The following ZC3H7B variants were observed in gnomAD, a reference collection of about 807,000 sequenced individuals.
ZC3H7B encodes zinc finger CCCH-type containing 7B, also known as zinc finger CCCH domain-containing protein 7B.
ZC3H7B carries 35 observed loss-of-function variants against 116.0 expected under a neutral mutation model. The ratio of observed to expected loss-of-function variants is 0.30; its 90% confidence interval spans 0.23 to 0.40. The LOEUF is 0.40. Among genes scored for constraint, ZC3H7B ranks in the 10% least tolerant of loss-of-function variants. The probability of loss-of-function intolerance (pLI) is 1.00; values close to 1 mark genes in which losing one functional copy is unlikely to be tolerated. For missense variants in ZC3H7B, 1,011 were observed against 1,321.5 expected (o/e 0.77, Z 3.64); for synonymous variants, 502 against 545.6 (o/e 0.92, Z 1.11).
intron 13 of ZC3H7B, 135 bp downstream of exon 13, chr22:41,343,711 C>T: frequency 7.9e-7 from 1 of 1,268,032 alleles, no homozygotes; most frequent in Non-Finnish European, 1.0e-6. Context: ...AAAGCCACGG[C>T]CTAGGCTCCT....
Position 41,357,663 on chromosome 22 carries a change from C to A in ZC3H7B, c.*234C>A. On this transcript the variant is annotated 3_prime_UTR_variant, in exon 23 of 23. Coordinates refer to ENST00000352645, the MANE Select transcript of ZC3H7B (RefSeq NM_017590.6). This position sits in a 1 kb window ranked among gnomAD's most constrained non-coding sequence, Gnocchi z 5.4. ...TGAAACCTGGGCTGCCCTTCCCCCA[C>A]CCCCACGGCTCTCCTGGTTGAGGAG... The A allele has an allele frequency of 1.7e-6, 1 of 595,962 alleles. No individual in the cohort carries two copies. Among genetic ancestry groups the A allele is most frequent in the Non-Finnish European group, 2.9e-6 (1 of 343,124 alleles). 36.9% of individuals were successfully genotyped at this position (595,962 alleles called of 1,614,324 possible). A position where few individuals can be genotyped will look rare whatever the true frequency, so the allele number is the denominator to read the frequency against.
At chr22:41,344,485 T>G (rs1569241141) in intron 13 of ZC3H7B, among the ~76,000 whole-genome samples, 1 of 152,180 alleles carries the variant, frequency 6.6e-6, no homozygotes, top group Non-Finnish European at 1.5e-5. Context: ...CCTCCCTGAT[T>G]CCGTCACACA....
rs1024001380 is a variant in ZC3H7B, at chr22:41,338,172, G to A, written c.583-141G>A. ...CATAAGCCACCACGCCTGGCCGCAT[G>A]TGAGGGCTTTAATCTCCCCTGGCAC... is the stretch of plus-strand genomic sequence containing the variant. On this transcript the variant is annotated intron_variant, in intron 7 of 22. Coordinates refer to ENST00000352645, the MANE Select transcript of ZC3H7B (RefSeq NM_017590.6). The surrounding 1 kb of genome is among the most constrained non-coding windows in gnomAD (Gnocchi z 4.5). 28 of 847,184 alleles carry A rather than the reference G, an allele frequency of 3.3e-5. No homozygotes were observed. The highest frequency in any genetic ancestry group is 4.2e-5 in the Non-Finnish European group (23 of 550,232). 52.5% of individuals were successfully genotyped at this position (847,184 alleles called of 1,614,324 possible).
rs1050511637 is a variant in ZC3H7B, at chr22:41,301,548, T to A, written c.-231T>A. 2.6e-5 allele frequency: 4 copies of A among 152,214 alleles called. No homozygotes were observed. Among genetic ancestry groups the A allele is most frequent in the African/African-American group, 9.6e-5 (4 of 41,506 alleles). The allele number at this position is 152,214 out of a possible 1,614,324, so 9.4% of individuals were successfully genotyped here. On this transcript the variant is annotated 5_prime_UTR_variant, in exon 1 of 23. Transcript: ENST00000352645. ...GGGAGACAGTGCCTCCAGCGGGTGC[T>A]GCCGCGAGCGGCCAGCCGAGGGGCT... is the stretch of plus-strand genomic sequence containing the variant.
chr22:41,340,128 T>C lies in ZC3H7B; in HGVS notation c.1129T>C (p.Ser377Pro). The C allele has an allele frequency of 6.2e-7, 1 of 1,603,886 alleles. No individual in the cohort carries two copies. The highest frequency in any genetic ancestry group is 8.5e-7 in the Non-Finnish European group (1 of 1,174,744). ...STRGSLDKPD[S>P]FMEETNSQDH... is the part of the protein sequence containing the mutation. Reference sequence around the variant, plus strand: ...ACGAGGCTCCCTGGACAAACCTGACTCCTTCATGGGTAAGGCCATGGGTGG... The same window carrying C: ...ACGAGGCTCCCTGGACAAACCTGACCCCTTCATGGGTAAGGCCATGGGTGG... The change falls in exon 10 of 23, where the codon TCC (serine) becomes CCC (proline). Residue 377 changes from serine to proline, a missense_variant. Physicochemically the swap from Ser to Pro is moderately conservative, Grantham distance 74. Transcript: ENST00000352645.
At chr22:41,303,339 T>C (rs2035998566) in intron 1 of ZC3H7B, among the ~76,000 whole-genome samples, 1 of 152,236 alleles carries the variant, frequency 6.6e-6, no homozygotes. Context: ...CTGTGTGTTC[T>C]TAGCTGCTGG....
At chr22:41,304,380 T>A (rs1427906976) in intron 1 of ZC3H7B, among the ~76,000 whole-genome samples, 1 of 151,840 alleles carries the variant, frequency 6.6e-6, no homozygotes, top group Admixed American at 6.6e-5. Context: ...GCTCAACATA[T>A]CTACCCACCT....
chr22:41,319,804 G>A lies in ZC3H7B; in HGVS notation c.-6-851G>A, dbSNP rs191810633. On this transcript the variant is annotated intron_variant, in intron 1 of 22. Transcript: ENST00000352645. ...AGCACTCTGGGGGGCCAAAGCAGGC[G>A]GATCACCTGAGGTCAGGAGTTTGAA... Among the ~76,000 whole-genome samples the A allele has an allele frequency of 8.2e-4, 125 of 152,116 alleles. 1 individual carries two copies. The highest frequency in any genetic ancestry group is 3.4e-4 in the Non-Finnish European group (23 of 68,020).
In ZC3H7B at chr22:41,338,176, G is replaced by A; in HGVS notation, c.583-137G>A. ...AGCCACCACGCCTGGCCGCATGTGA[G>A]GGCTTTAATCTCCCCTGGCACTCTA... is the stretch of plus-strand genomic sequence containing the variant. On this transcript the variant is annotated intron_variant, in intron 7 of 22. Transcript: ENST00000352645. This position sits in a 1 kb window ranked among gnomAD's most constrained non-coding sequence, Gnocchi z 4.5. 1.1e-6 allele frequency: 1 copy of A among 870,190 alleles called. No homozygotes were observed. The highest frequency in any genetic ancestry group is 1.7e-5 in the South Asian group (1 of 58,772). 53.9% of individuals were successfully genotyped at this position (870,190 alleles called of 1,614,324 possible). A position where few individuals can be genotyped will look rare whatever the true frequency, so the allele number is the denominator to read the frequency against.
chr22:41,355,974 C>T lies in ZC3H7B; in HGVS notation c.2295C>T (p.Asn765=), dbSNP rs369941386. 4.6e-5 allele frequency: 72 copies of T among 1,568,136 alleles called. No individual in the cohort carries two copies. The highest frequency in any genetic ancestry group is 5.9e-5 in the Non-Finnish European group (68 of 1,157,742). ...QQYDLCIHAQ[N]GRKCQYVGNC... is the part of the protein sequence containing the mutation. ...CACAGCTCTGCATCCATGCACAGAA[C>T]GGCCGCAAGTGCCAATATGTGGGGA... Residue 765 remains asparagine, a synonymous_variant, in exon 20 of 23, where the codon AAC becomes AAT. Transcript: ENST00000352645.
chr22:41,357,108 G>A lies in ZC3H7B; in HGVS notation c.2682-69G>A, dbSNP rs1407510225. On this transcript the variant is annotated intron_variant, in intron 22 of 22. Coordinates refer to ENST00000352645, the MANE Select transcript of ZC3H7B (RefSeq NM_017590.6). This position sits in a 1 kb window ranked among gnomAD's most constrained non-coding sequence, Gnocchi z 5.4. ...TTGTCTTCGGGGAGGTCAAGCGGCC[G>A]GCCCCAGATGGACAGCCTGGGGTGG... The A allele has an allele frequency of 8.3e-6, 13 of 1,575,642 alleles. No homozygotes were observed. The highest frequency in any genetic ancestry group is 3.5e-5 in the Admixed American group (2 of 57,770).
At chr22:41,315,219 G>A (rs1256134356) in intron 1 of ZC3H7B, among the ~76,000 whole-genome samples, 2 of 151,742 alleles carry the variant, frequency 1.3e-5, no homozygotes, top group Admixed American at 1.3e-4. Flanking sequence ...ACGTGCTAGA[G>A]TGCTAGAGTA....
chr22:41,356,864 T>C (rs941355106), intron 22 of ZC3H7B, 56 bp downstream of exon 22: 9 of 1,604,622 alleles, frequency 5.6e-6, no homozygotes, highest in African/African-American at 1.3e-5. Context: ...GGAGATGGAG[T>C]CCGTGGCCAG....
chr22:41,330,549 T>C (rs1208817001), intron 6 of ZC3H7B, among the ~76,000 whole-genome samples: 1 of 152,228 alleles, frequency 6.6e-6, no homozygotes, highest in African/African-American at 2.4e-5. Context: ...TGCTGTGACC[T>C]TGAGCAAGTT....
rs948594532 is a variant in ZC3H7B at position 41,356,152 on chromosome 22, C to T, written c.2383+90C>T. 1.4e-5 allele frequency: 20 copies of T among 1,444,136 alleles called. No individual in the cohort carries two copies. The Admixed American group carries it at 1.8e-4, about 13-fold the overall frequency. 89.5% of individuals were successfully genotyped at this position (1,444,136 alleles called of 1,614,324 possible). The stretch of plus-strand genomic sequence containing the variant: ...TCACCAGCGGGCCCAAGAGCGTCCA[C>T]TGCACCCCTTTGCTACCTGGGCCCT... On this transcript the variant is annotated intron_variant, in intron 20 of 22. Transcript: ENST00000352645.
intron 10 of ZC3H7B, among the ~76,000 whole-genome samples, chr22:41,340,536 A>G (rs2036508462): frequency 6.6e-6 from 1 of 152,024 alleles, no homozygotes; most frequent in African/African-American, 2.4e-5. Flanking sequence ...CCAGGGAGGA[A>G]GCCGTCTTGT....
At position 41,339,055 on chromosome 22, in the gene ZC3H7B, T is replaced by A. The variant is rs2036482496; in HGVS notation, c.680T>A (p.Met227Lys). ...GCCCTTCTCCCCTCCACGCCCACGA[T>A]GCCCCTGTTCCCTCACGTTCTGGAC... ...SPALLPSTPT[M>K]PLFPHVLDLL... The change falls in exon 9 of 23, where the codon ATG (methionine) becomes AAG (lysine). Residue 227 changes from methionine to lysine, a missense_variant. Met to Lys is a moderately conservative substitution (Grantham distance 95). This residue lies in a region of ZC3H7B where 322 missense variants were observed against 443.9 expected (regional missense o/e 0.73). Transcript: ENST00000352645. 22 of 1,609,696 alleles carry A rather than the reference T, an allele frequency of 1.4e-5. No individual in the cohort carries two copies. Among genetic ancestry groups the A allele is most frequent in the Non-Finnish European group, 1.9e-5 (22 of 1,177,532 alleles).
chr22:41,343,484 G>T lies in ZC3H7B; in HGVS notation c.1367G>T (p.Gly456Val), dbSNP rs769185572. 4.3e-6 allele frequency: 7 copies of T among 1,613,842 alleles called. No individual in the cohort carries two copies. In the Admixed American group the frequency reaches 5.0e-5, roughly 12 times the overall value. Reference protein sequence around the residue: ...EHKCKRDILLGRLRSSEDQTW... With the variant: ...EHKCKRDILLVRLRSSEDQTW... ...AAGTGCAAGCGGGACATCCTGCTCG[G>T]CCGGCTCCGGAGCTCGGAGGACCAG... is the stretch of plus-strand genomic sequence containing the variant. Residue 456 changes from glycine (G) to valine (V), a missense_variant, in exon 13 of 23, where the codon GGC becomes GTC. Physicochemically the swap from Gly to Val is moderately radical, Grantham distance 109. Around this residue, in one of 5 missense-constraint regions of ZC3H7B, gnomAD observed 179 missense variants for 178.5 expected, o/e 1.00. Coordinates refer to ENST00000352645, the MANE Select transcript of ZC3H7B (RefSeq NM_017590.6).
intron 21 of ZC3H7B, 30 bp downstream of exon 21, chr22:41,356,506 T>C (rs2036719618): frequency 1.2e-6 from 2 of 1,613,218 alleles, no homozygotes; most frequent in African/African-American, 2.7e-5. Flanking sequence ...TGCTCGGGGC[T>C]GCGGTCGGGG....
Sources: allele counts gnomAD v4.1 joint callset (sites outside exome capture counted in the v4.1 genomes callset), GRCh38; gene constraint gnomAD v4.1.1; regional missense constraint gnomAD v4.1.1; non-coding constraint Gnocchi (gnomAD v3.1); transcripts MANE v1.5; gene names NCBI Gene and HGNC (gene_info 2026-07-23, HGNC 2026-07-21).